ADGRB3: variants seen among roughly 807,000 people sequenced by gnomAD.
ADGRB3 encodes the protein brain-specific angiogenesis inhibitor 3.
ADGRB3 carries 37 observed loss-of-function variants against 193.4 expected under a neutral mutation model. The ratio of observed to expected loss-of-function variants is 0.19; its 90% CI spans 0.15 to 0.25. The LOEUF (loss-of-function observed/expected upper bound fraction) is 0.25, where lower values mean the gene tolerates loss of function less well. ADGRB3 is among the 10% of genes least tolerant of loss of function. The pLI is 1.00. For synonymous variants in ADGRB3, 690 were observed against 644.2 expected (o/e 1.07, Z -1.08); for missense variants, 1,637 against 1,852.9 (o/e 0.88, Z 2.14).
At chr6:68,826,727 A>T (rs73745891) in intron 3 of ADGRB3, among the ~76,000 whole-genome samples, 4,576 of 152,300 alleles carry the variant, frequency 0.03, 237 homozygotes, top group African/African-American at 0.1. Flanking sequence ...TGGAAGTGAC[A>T]GGAAGTGGTC....
At chr6:68,721,531 C>T (rs1052964042) in intron 3 of ADGRB3, among the ~76,000 whole-genome samples, 22 of 150,898 alleles carry the variant, frequency 1.5e-4, no homozygotes, top group Non-Finnish European at 2.4e-4. Flanking sequence ...ATGTAAATGA[C>T]GAGTTAATGG....
At chr6:68,850,626 A>G (rs1400325860) in intron 3 of ADGRB3, among the ~76,000 whole-genome samples, 7 of 152,008 alleles carry the variant, frequency 4.6e-5, no homozygotes. Flanking sequence ...AAATAATATT[A>G]TAGATTCAAC....
intron 10 of ADGRB3, among the ~76,000 whole-genome samples, chr6:68,978,790 C>A (rs950950019): frequency 1.3e-5 from 2 of 151,320 alleles, no homozygotes; most frequent in South Asian, 4.1e-4. Context: ...ACATTTAATC[C>A]TTGAGAGATT....
chr6:69,123,247 A>G (rs901819420), intron 17 of ADGRB3, among the ~76,000 whole-genome samples: 7 of 152,316 alleles, frequency 4.6e-5, no homozygotes, highest in South Asian at 4.1e-4. Context: ...TAGGGAATTA[A>G]TGTAATATAG....
intron 11 of ADGRB3, among the ~76,000 whole-genome samples, chr6:69,000,492 T>C (rs1485190819): frequency 3.3e-5 from 5 of 151,236 alleles, no homozygotes; most frequent in African/African-American, 4.9e-5. Flanking sequence ...AACATACTTA[T>C]TTTCTATGTA....
intron 20 of ADGRB3, among the ~76,000 whole-genome samples, chr6:69,295,357 C>A (rs1430954866): frequency 6.6e-6 from 1 of 152,120 alleles, no homozygotes; most frequent in South Asian, 2.1e-4. Context: ...GGAACTGAAT[C>A]AAGGAACTTG....
intron 17 of ADGRB3, among the ~76,000 whole-genome samples, chr6:69,149,347 A>G (rs1044696412): frequency 6.6e-6 from 1 of 151,808 alleles, no homozygotes; most frequent in Non-Finnish European, 1.5e-5. Context: ...ATTCTTTAGT[A>G]TGTCAGTTGC....
chr6:69,192,852 A>G (rs1157287032), intron 17 of ADGRB3, among the ~76,000 whole-genome samples: 1 of 152,164 alleles, frequency 6.6e-6, no homozygotes, highest in Non-Finnish European at 1.5e-5. Context: ...TTTCCAGCTT[A>G]CTTAGAGCTT....
At chr6:69,167,907 CACA>C (rs1434286432) in intron 17 of ADGRB3, among the ~76,000 whole-genome samples, 14 of 152,010 alleles carry the variant, frequency 9.2e-5, no homozygotes, top group African/African-American at 3.4e-4. Context: ...ATGAGTTTCC[CACA>C]ACAATGGAAT....
intron 10 of ADGRB3, 126 bp from the exon 11 acceptor site, chr6:68,993,642 C>A: frequency 1.1e-6 from 1 of 950,590 alleles, no homozygotes; most frequent in Non-Finnish European, 1.6e-6. Context: ...GTTTTCAAAT[C>A]CTCCCAAGCA....
At chr6:68,960,391 T>C (rs1384871454) in intron 8 of ADGRB3, among the ~76,000 whole-genome samples, 1 of 152,136 alleles carries the variant, frequency 6.6e-6, no homozygotes, top group East Asian at 1.9e-4. Context: ...TCTATAAATA[T>C]TCATACTAAA....
chr6:69,054,443 C>T (rs571691360), intron 15 of ADGRB3, among the ~76,000 whole-genome samples: 1 of 151,596 alleles, frequency 6.6e-6, no homozygotes, highest in East Asian at 1.9e-4. Flanking sequence ...AAGCAGTCAG[C>T]TCTCTCCAGA....
intron 16 of ADGRB3, among the ~76,000 whole-genome samples, chr6:69,068,883 C>T (rs1184807914): frequency 2.6e-5 from 4 of 152,292 alleles, no homozygotes; most frequent in African/African-American, 4.8e-5. Context: ...CAGTATTCTA[C>T]ATTTCTCACT....
chr6:69,343,438 G>C (rs112747545), intron 26 of ADGRB3, among the ~76,000 whole-genome samples: 5,038 of 147,708 alleles, frequency 0.034, 284 homozygotes, highest in African/African-American at 0.12. Context: ...CGCGGTGTTT[G>C]GTTTTTTGTT....
intron 17 of ADGRB3, among the ~76,000 whole-genome samples, chr6:69,151,512 C>T (rs931009556): frequency 3.3e-5 from 5 of 152,170 alleles, no homozygotes; most frequent in Non-Finnish European, 5.9e-5. Flanking sequence ...ATCTTTTCTG[C>T]CCTCTTCAGT....
rs144166626 is a variant in ADGRB3, at chr6:69,375,341, A to G, written c.4275+2900A>G. Among the ~76,000 whole-genome samples the G allele has an allele frequency of 5.2e-3, 797 of 152,212 alleles. 8 individuals are homozygous for G. The highest frequency in any genetic ancestry group is 0.018 in the African/African-American group (765 of 41,558). On this transcript the variant is annotated intron_variant, in intron 30 of 31. Coordinates refer to ENST00000370598, the MANE Select transcript of ADGRB3 (RefSeq NM_001704.3). The stretch of plus-strand genomic sequence containing the variant: ...GTAGAAATACCAATTAGGATTGGCT[A>G]GTATAGTAGGTAATGAAAGTCCACT...
At chr6:69,141,259 G>A (rs1774334655) in intron 17 of ADGRB3, among the ~76,000 whole-genome samples, 2 of 152,128 alleles carry the variant, frequency 1.3e-5, no homozygotes, top group Middle Eastern at 3.4e-3. Flanking sequence ...GAGTAGCTGG[G>A]ACTACAGGAG....
chr6:68,699,197 T>C (rs907189834), intron 3 of ADGRB3, among the ~76,000 whole-genome samples: 1 of 152,234 alleles, frequency 6.6e-6, no homozygotes, highest in Admixed American at 6.5e-5. Flanking sequence ...GTTCTTTGAA[T>C]AATCACTTTA....
intron 17 of ADGRB3, among the ~76,000 whole-genome samples, chr6:69,158,675 G>A (rs1165986559): frequency 6.6e-6 from 1 of 151,924 alleles, no homozygotes; most frequent in Non-Finnish European, 1.5e-5. Context: ...CATTTCATAA[G>A]TCTTTCAACA....
Sources: gnomAD v4.1 joint callset for allele counts (sites outside exome capture counted in the v4.1 genomes callset) on GRCh38, gnomAD v4.1.1 for gene constraint, MANE v1.5 for transcripts, NCBI Gene and HGNC (gene_info 2026-07-23, HGNC 2026-07-21) for gene names.